The following GLI3 variants were observed in gnomAD, a reference collection of about 807,000 sequenced individuals.
GLI3 encodes transcription activator GLI3.
Under a neutral mutation model 100.8 loss-of-function variants are expected in GLI3, and 20 were observed. That is an observed-to-expected ratio of 0.20 (90% CI 0.14 to 0.29). The LOEUF (loss-of-function observed/expected upper bound fraction) is 0.29. GLI3 is among the 10% of genes least tolerant of loss of function. The probability of loss-of-function intolerance (pLI) is 1.00; values close to 1 mark genes in which losing one functional copy is unlikely to be tolerated. For synonymous variants in GLI3, 938 were observed against 860.5 expected (o/e 1.09, Z -1.58); for missense variants, 2,040 against 2,128.5 (o/e 0.96, Z 0.82).
chr7:42,043,348 C>T (rs1369561779), intron 6 of GLI3, among the ~76,000 whole-genome samples: 2 of 152,150 alleles, frequency 1.3e-5, no homozygotes, highest in Non-Finnish European at 2.9e-5. Context: ...CCTTAATAAA[C>T]AAGCAAAAGA....
intron 1 of GLI3, among the ~76,000 whole-genome samples, chr7:42,228,355 C>T (rs555859135): frequency 2.6e-5 from 4 of 152,234 alleles, no homozygotes; most frequent in African/African-American, 9.6e-5. Context: ...CTCCGCCAGC[C>T]AGGCCGCGGG....
At chr7:42,094,937 C>T (rs1374409485) in intron 3 of GLI3, among the ~76,000 whole-genome samples, 1 of 152,084 alleles carries the variant, frequency 6.6e-6, no homozygotes, top group Non-Finnish European at 1.5e-5. Flanking sequence ...GTCCAAAGAC[C>T]GCACATGAGG....
At chr7:42,093,416 A>G (rs1384379972) in intron 3 of GLI3, among the ~76,000 whole-genome samples, 1 of 150,840 alleles carries the variant, frequency 6.6e-6, no homozygotes, top group Non-Finnish European at 1.5e-5. Flanking sequence ...TCTCTTTTCT[A>G]CATAAGAAAC....
chr7:41,981,010 G>A (rs914377588), intron 10 of GLI3, among the ~76,000 whole-genome samples: 6 of 152,224 alleles, frequency 3.9e-5, no homozygotes, highest in African/African-American at 1.2e-4. Flanking sequence ...TCAGGAATCA[G>A]GGTCCGCTTC....
intron 2 of GLI3, among the ~76,000 whole-genome samples, chr7:42,154,585 C>T (rs1330453105): frequency 6.6e-6 from 1 of 152,172 alleles, no homozygotes; most frequent in African/African-American, 2.4e-5. Flanking sequence ...TAAAAACCAA[C>T]GGAATCCAAG....
At chr7:42,065,248 A>C (rs6956404) in intron 4 of GLI3, among the ~76,000 whole-genome samples, 1 of 149,684 alleles carries the variant, frequency 6.7e-6, no homozygotes, top group African/African-American at 2.4e-5. Flanking sequence ...ATACTTTTAA[A>C]TTATTATTAA....
intron 3 of GLI3, among the ~76,000 whole-genome samples, chr7:42,129,267 A>C (rs1197375026): frequency 6.6e-6 from 1 of 152,200 alleles, no homozygotes; most frequent in Non-Finnish European, 1.5e-5. Flanking sequence ...AGGCTAAGTA[A>C]TTTGCCCATA....
At chr7:42,113,033 C>G (rs1220437088) in intron 3 of GLI3, among the ~76,000 whole-genome samples, 1 of 152,038 alleles carries the variant, frequency 6.6e-6, no homozygotes, top group Non-Finnish European at 1.5e-5. Flanking sequence ...ATTAGCCGAG[C>G]ATGGTGGCAG....
At chr7:42,217,196 A>G (rs1466866415) in intron 2 of GLI3, among the ~76,000 whole-genome samples, 1 of 152,184 alleles carries the variant, frequency 6.6e-6, no homozygotes, top group Non-Finnish European at 1.5e-5. Context: ...GAGTAATTAC[A>G]GAGGAAAATC....
chr7:41,968,181 A>C (rs545838841), intron 13 of GLI3, among the ~76,000 whole-genome samples: 1 of 152,284 alleles, frequency 6.6e-6, no homozygotes, highest in East Asian at 1.9e-4. Context: ...CAGCCATGGA[A>C]TCCTGCCCCA....
At chr7:41,981,521 A>G (rs1176373181) in intron 10 of GLI3, among the ~76,000 whole-genome samples, 1 of 152,038 alleles carries the variant, frequency 6.6e-6, no homozygotes, top group Non-Finnish European at 1.5e-5. Flanking sequence ...GGACTCTCAT[A>G]TTTTCCTTTC....
chr7:41,986,673 T>C (rs2237430), intron 10 of GLI3, among the ~76,000 whole-genome samples: 48,914 of 151,822 alleles, frequency 0.32, 9,167 homozygotes, highest in East Asian at 0.81. Flanking sequence ...AATAGAGAAA[T>C]TGGGGATGAC....
intron 3 of GLI3, among the ~76,000 whole-genome samples, chr7:42,122,207 T>G (rs1487053069): frequency 6.8e-6 from 1 of 147,810 alleles, no homozygotes; most frequent in African/African-American, 2.5e-5. Context: ...ATGTCATATA[T>G]TATATATAAT....
rs57430791 is a variant in GLI3 at position 42,062,712 on chromosome 7, G to C, written c.474-14016C>G. ...GGTTTATATATTATACACACACACA[G>C]ACACACACACACACACACACACATT... On this transcript the variant is annotated intron_variant, in intron 4 of 14. Transcript: ENST00000395925. 5.8e-4 allele frequency among the ~76,000 whole-genome samples: 87 copies of C among 149,716 alleles called. 1 individual carries two copies. The highest frequency in any genetic ancestry group is 5.6e-3 in the East Asian group (28 of 5,038).
chr7:42,179,886 GT>G (rs1270651430), intron 2 of GLI3, among the ~76,000 whole-genome samples: 1 of 152,164 alleles, frequency 6.6e-6, no homozygotes, highest in East Asian at 1.9e-4. Flanking sequence ...CCAATGTCAT[GT>G]TTAAGATGTC....
Position 41,967,665 on chromosome 7 carries a change from C to T in GLI3, c.2362G>A (p.Gly788Arg), listed in dbSNP as rs1472508772. The T allele has an allele frequency of 2.5e-6, 4 of 1,614,150 alleles. No homozygotes were observed. The highest frequency in any genetic ancestry group is 3.4e-6 in the Non-Finnish European group (4 of 1,180,026). The change falls in exon 14 of 15, where the codon GGA becomes AGA. Residue 788 changes from glycine to arginine, a missense_variant. Gly to Arg is a moderately radical substitution (Grantham distance 125). Coordinates refer to ENST00000395925, the MANE Select transcript of GLI3 (RefSeq NM_000168.6). ...VKLERLKQVN[G>R]MFPRLNPILP... ...ATGGGGTTCAGTCGCGGAAACATTC[C>T]ATTCACTTGTTTTAGCCTTTCTAGT...
chr7:42,002,807 G>A (rs1788343023), intron 10 of GLI3, among the ~76,000 whole-genome samples: 2 of 152,180 alleles, frequency 1.3e-5, no homozygotes, highest in African/African-American at 2.4e-5. Flanking sequence ...CCACTTACTG[G>A]CAATGTGACA....
At chr7:42,056,752 A>C (rs750148583) in intron 4 of GLI3, among the ~76,000 whole-genome samples, 2 of 151,876 alleles carry the variant, frequency 1.3e-5, no homozygotes, top group Non-Finnish European at 2.9e-5. Flanking sequence ...AGAGTTTGAG[A>C]CCAGTGTGAC....
chr7:41,978,331 G>A (rs866788315), intron 11 of GLI3, among the ~76,000 whole-genome samples: 2 of 152,178 alleles, frequency 1.3e-5, no homozygotes, highest in South Asian at 2.1e-4. Context: ...TCCAAGCCCC[G>A]TGGTACCATA....
Sources: gnomAD v4.1 joint callset for allele counts (sites outside exome capture counted in the v4.1 genomes callset) on GRCh38, gnomAD v4.1.1 for gene constraint, MANE v1.5 for transcripts, NCBI Gene and HGNC (gene_info 2026-07-23, HGNC 2026-07-21) for gene names.